CDCP1: variants seen among roughly 807,000 people sequenced by gnomAD.
The protein encoded by CDCP1 is CUB domain containing protein 1, also known as CUB domain-containing protein 1.
Under a neutral mutation model 60.2 loss-of-function variants are expected in CDCP1, and 29 were observed. The ratio of observed to expected loss-of-function variants is 0.48; its 90% CI spans 0.36 to 0.66. CDCP1 has a LOEUF of 0.66. CDCP1 is among the 30% of genes least tolerant of loss of function. CDCP1 has a pLI of 0.00. For missense variants in CDCP1, 876 were observed against 1,074.3 expected (o/e 0.82, Z 2.58); for synonymous variants, 387 against 431.1 (o/e 0.90, Z 1.27).
At chr3:45,087,735 T>C (rs556795455) in intron 8 of CDCP1, among the ~76,000 whole-genome samples, 1 of 152,276 alleles carries the variant, frequency 6.6e-6, no homozygotes, top group South Asian at 2.1e-4. Context: ...AAAAGAATTT[T>C]TTGGCTGGGT....
intron 1 of CDCP1, among the ~76,000 whole-genome samples, chr3:45,119,632 T>C (rs996900895): frequency 5.9e-5 from 9 of 152,232 alleles, no homozygotes; most frequent in Non-Finnish European, 1.2e-4. Flanking sequence ...AGTTAGTGAA[T>C]GAATAGCAAT....
In CDCP1 at chr3:45,110,748, A is replaced by G; in HGVS notation, c.749T>C (p.Met250Thr). Reference sequence around the variant, plus strand: ...TGCAGGAACGACAAACTGCCACGTCATGAGCTCATCCTCAGGGAAGCCTTC... The same window carrying G: ...TGCAGGAACGACAAACTGCCACGTCGTGAGCTCATCCTCAGGGAAGCCTTC... ...YPEGFPEDEL[M>T]TWQFVVPAHL... Residue 250 changes from methionine to threonine, a missense_variant, in exon 4 of 9, where the codon ATG becomes ACG. This residue lies in a region of CDCP1 where 726 missense variants were observed against 935.7 expected (regional missense o/e 0.78). Coordinates refer to ENST00000296129, the MANE Select transcript of CDCP1 (RefSeq NM_022842.5). 6.2e-7 allele frequency: 1 copy of G among 1,614,210 alleles called. No individual in the cohort carries two copies. Among genetic ancestry groups the G allele is most frequent in the Non-Finnish European group, 8.5e-7 (1 of 1,180,044 alleles).
At position 45,112,262 on chromosome 3, in the gene CDCP1, A is replaced by G. The variant is rs764172918; in HGVS notation, c.476T>C (p.Val159Ala). 1 of 1,614,054 alleles carries G rather than the reference A, an allele frequency of 6.2e-7. No homozygotes were observed. ...GATTCGGCCGCTGATGGAGTGAGTGACTCCGTCTGGGCAGCTCTCACCCGG... is the reference window on the plus strand; with the variant it reads ...GATTCGGCCGCTGATGGAGTGAGTGGCTCCGTCTGGGCAGCTCTCACCCGG... The part of the protein sequence containing the change: ...IGPGESCPDG[V>A]THSISGRIDA... Residue 159 changes from valine (V) to alanine (A), a missense_variant, in exon 3 of 9, where the codon GTC (valine) becomes GCC (alanine). Val to Ala is a moderately conservative substitution (Grantham distance 64, BLOSUM62 0). This residue lies in a region of CDCP1 where 726 missense variants were observed against 935.7 expected (regional missense o/e 0.78). Coordinates refer to ENST00000296129, the MANE Select transcript of CDCP1 (RefSeq NM_022842.5).
At chr3:45,105,051 AAAAC>A (rs1381861970) in intron 4 of CDCP1, among the ~76,000 whole-genome samples, 5 of 152,356 alleles carry the variant, frequency 3.3e-5, no homozygotes, top group East Asian at 1.9e-4. Flanking sequence ...TCTGTCTCAA[AAAAC>A]AAACAAACAA....
intron 4 of CDCP1, 136 bp downstream of exon 4, chr3:45,110,337 C>G: frequency 6.9e-7 from 1 of 1,452,686 alleles, no homozygotes; most frequent in Non-Finnish European, 9.1e-7. Context: ...CTTCCTGAAA[C>G]TCTTGCTGGG....
Position 45,091,918 on chromosome 3 carries a change from C to T in CDCP1, c.1628-380G>A, listed in dbSNP as rs1244221104. Among the ~76,000 whole-genome samples, 4 of 152,176 alleles carry T rather than the reference C, an allele frequency of 2.6e-5. No homozygotes were observed. Among genetic ancestry groups the T allele is most frequent in the Non-Finnish European group, 4.4e-5 (3 of 68,032 alleles). On this transcript the variant is annotated intron_variant, in intron 6 of 8. Transcript: ENST00000296129. This position sits in a 1 kb window ranked among gnomAD's most constrained non-coding sequence, Gnocchi z 4.8. The stretch of plus-strand genomic sequence containing the variant: ...AAGCAATTCTCCAGCCTCAGCCTCC[C>T]GAGTAGCTAGGACTACAGGCATGAG...
chr3:45,105,847 T>C (rs911428427), intron 4 of CDCP1, among the ~76,000 whole-genome samples: 4 of 152,110 alleles, frequency 2.6e-5, no homozygotes, highest in Non-Finnish European at 5.9e-5. Flanking sequence ...TCTTGTGATA[T>C]CAAAAAAGAA....
At chr3:45,120,789 G>T (rs540692892) in intron 1 of CDCP1, among the ~76,000 whole-genome samples, 2 of 152,174 alleles carry the variant, frequency 1.3e-5, no homozygotes, top group African/African-American at 4.8e-5. Flanking sequence ...TGCACATGCT[G>T]GTCCTGACAC....
intron 1 of CDCP1, among the ~76,000 whole-genome samples, chr3:45,140,415 C>T (rs573454000): frequency 9.2e-5 from 14 of 152,364 alleles, no homozygotes; most frequent in East Asian, 7.7e-4. Flanking sequence ...AAGAAAGCTA[C>T]GCCATCTGTG....
intron 1 of CDCP1, among the ~76,000 whole-genome samples, chr3:45,126,671 G>A (rs1161987877): frequency 6.6e-6 from 1 of 152,110 alleles, no homozygotes; most frequent in Non-Finnish European, 1.5e-5. Flanking sequence ...CATTTCAAGG[G>A]CTAATCATTC....
intron 4 of CDCP1, 53 bp from the exon 5 acceptor site, chr3:45,095,621 G>C: frequency 6.6e-7 from 1 of 1,518,162 alleles, no homozygotes; most frequent in East Asian, 2.3e-5. Context: ...AGCAACACGG[G>C]AAATGGCAAA....
chr3:45,099,014 G>A (rs1698447696), intron 4 of CDCP1, among the ~76,000 whole-genome samples: 1 of 151,818 alleles, frequency 6.6e-6, no homozygotes, highest in Non-Finnish European at 1.5e-5. Context: ...GGCTGCTCTT[G>A]ATGCCTGGTG....
chr3:45,112,056 T>C, intron 3 of CDCP1, 27 bp downstream of exon 3: 2 of 1,603,266 alleles, frequency 1.2e-6, no homozygotes, highest in Non-Finnish European at 1.7e-6. Flanking sequence ...TTTAACCTAA[T>C]CAGATAGCAG....
chr3:45,110,596 G>A lies in CDCP1; in HGVS notation c.901C>T (p.Gln301Ter). Residue 301 changes from glutamine (Q) to a stop codon, truncating the protein, a stop_gained, in exon 4 of 9, where the codon CAG becomes TAG. Transcript: ENST00000296129. LOFTEE classifies it high-confidence loss of function. ...AAGTTCCCCGCCATGTTCCCAGGCT[G>A]CTTGTCCTCCAGCTTGAACACCTCG... ...NPEVFKLEDK[Q>*]PGNMAGNFNL... 6.2e-7 allele frequency: 1 copy of A among 1,614,224 alleles called. No individual in the cohort carries two copies. The highest frequency in any genetic ancestry group is 8.5e-7 in the Non-Finnish European group (1 of 1,180,034).
At position 45,091,674 on chromosome 3, in the gene CDCP1, T is replaced by G. The variant is rs912680628; in HGVS notation, c.1628-136A>C. ...CGAACTTTCTGCGATGATGGAAATC[T>G]TCTAGATCTGCACCATCTGATAGGG... On this transcript the variant is annotated intron_variant, in intron 6 of 8. Coordinates refer to ENST00000296129, the MANE Select transcript of CDCP1 (RefSeq NM_022842.5). This position sits in a 1 kb window ranked among gnomAD's most constrained non-coding sequence, Gnocchi z 4.8. 3.7e-6 allele frequency: 4 copies of G among 1,089,188 alleles called. No individual in the cohort carries two copies. In the African/African-American group the frequency reaches 6.4e-5, roughly 17 times the overall value. The allele number at this position is 1,089,188 out of a possible 1,614,324, so 67.5% of individuals were successfully genotyped here. A position where few individuals can be genotyped will look rare whatever the true frequency, so the allele number is the denominator to read the frequency against.
At chr3:45,104,927 A>C (rs1698537707) in intron 4 of CDCP1, among the ~76,000 whole-genome samples, 1 of 152,178 alleles carries the variant, frequency 6.6e-6, no homozygotes, top group African/African-American at 2.4e-5. Flanking sequence ...GTGGGCTTGT[A>C]ATCCCAGCTA....
rs1407683089 is a variant in CDCP1 at position 45,091,517 on chromosome 3, G to A, written c.1649C>T (p.Thr550Ile). 32 of 1,604,698 alleles carry A rather than the reference G, an allele frequency of 2.0e-5. No homozygotes were observed. The highest frequency in any genetic ancestry group is 2.7e-5 in the Non-Finnish European group (32 of 1,175,676). Residue 550 changes from threonine to isoleucine, a missense_variant, in exon 7 of 9, where the codon ACC becomes ATC. By Grantham distance (89) the Thr-to-Ile change is moderately conservative. Coordinates refer to ENST00000296129, the MANE Select transcript of CDCP1 (RefSeq NM_022842.5). The surrounding 1 kb of genome is among the most constrained non-coding windows in gnomAD (Gnocchi z 4.8). ...GTAGACCTTGCTTTTTGTGTCAGGG[G>A]TCACCGTGAAAACGCCTTCCTCTGC... is the stretch of plus-strand genomic sequence containing the variant. The part of the protein sequence containing the change: ...YFKEEGVFTV[T>I]PDTKSKVYLR...
chr3:45,121,637 C>T (rs761493458), intron 1 of CDCP1, among the ~76,000 whole-genome samples: 5 of 151,860 alleles, frequency 3.3e-5, no homozygotes, highest in Non-Finnish European at 5.9e-5. Context: ...TAAATCAGTG[C>T]TAGACGCTAA....
chr3:45,123,499 G>A (rs772488150), intron 1 of CDCP1, among the ~76,000 whole-genome samples: 4 of 152,146 alleles, frequency 2.6e-5, no homozygotes, highest in African/African-American at 7.2e-5. Context: ...CACAGCCAAG[G>A]ACACATCACT....
Sources: allele counts gnomAD v4.1 joint callset (sites outside exome capture counted in the v4.1 genomes callset), GRCh38; gene constraint gnomAD v4.1.1; regional missense constraint gnomAD v4.1.1; non-coding constraint Gnocchi (gnomAD v3.1); transcripts MANE v1.5; gene names NCBI Gene and HGNC (gene_info 2026-07-23, HGNC 2026-07-21).